Variants in AACS observed in about 807,000 individuals in gnomAD.
The protein encoded by AACS is acetoacetate-CoA ligase.
A neutral mutation model predicts 83.1 loss-of-function variants in AACS; 69 were observed. The ratio of observed to expected loss-of-function variants is 0.83; its 90% CI spans 0.68 to 1.01. The LOEUF (loss-of-function observed/expected upper bound fraction) is 1.01, where lower values mean the gene tolerates loss of function less well. AACS is among the 50% of genes least tolerant of loss of function. The pLI is 0.00. For synonymous variants in AACS, 333 were observed against 343.4 expected, an observed-to-expected ratio of 0.97 and a Z score of 0.33; for missense variants, 866 against 882.2, an observed-to-expected ratio of 0.98 and a Z score of 0.23.
At chr12:125,079,099 G>T (rs572893463) in intron 3 of AACS, among the ~76,000 whole-genome samples, 1 of 152,082 alleles carries the variant, frequency 6.6e-6, no homozygotes, top group African/African-American at 2.4e-5. Flanking sequence ...TCTCCTCCCC[G>T]CACCTCTGCG....
At chr12:125,123,642 A>G in intron 10 of AACS, 1 of 152,418 alleles carries the variant, frequency 6.6e-6, no homozygotes, top group Non-Finnish European at 1.5e-5. Flanking sequence ...TCGTGGCTTC[A>G]GACAGCGAAT....
intron 17 of AACS, among the ~76,000 whole-genome samples, chr12:125,137,758 G>A (rs974774813): frequency 1.3e-5 from 2 of 152,182 alleles, no homozygotes; most frequent in African/African-American, 2.4e-5. Flanking sequence ...GTGTGTGTGT[G>A]TATGTGAATG....
In AACS at chr12:125,094,602, C is replaced by T. The variant is rs971880888; in HGVS notation, c.570+3079C>T. ...TTTACTCGATGACACTGGGGGAACG[C>T]GTTTCTGGCCTCCGTCACTCCCCTG... On this transcript the variant is annotated intron_variant, in intron 5 of 17. Coordinates refer to ENST00000316519, the MANE Select transcript of AACS (RefSeq NM_023928.5). This position sits in a 1 kb window ranked among gnomAD's most constrained non-coding sequence, Gnocchi z 4.1. Among the ~76,000 whole-genome samples the T allele has an allele frequency of 5.3e-5, 8 of 152,152 alleles. No individual in the cohort carries two copies. Among genetic ancestry groups the T allele is most frequent in the African/African-American group, 1.9e-4 (8 of 41,420 alleles).
chr12:125,134,651 C>A, intron 15 of AACS, 143 bp from the exon 16 acceptor site: 3 of 818,936 alleles, frequency 3.7e-6, no homozygotes, highest in Non-Finnish European at 4.0e-6. Context: ...GGTGGTAGGG[C>A]AAGGAGCTGG....
intron 8 of AACS, among the ~76,000 whole-genome samples, chr12:125,107,976 A>T (rs1956870080): frequency 6.6e-6 from 1 of 152,098 alleles, no homozygotes; most frequent in South Asian, 2.1e-4. Context: ...ATAAAAATAA[A>T]ATAAAATATT....
At chr12:125,128,433 G>T (rs1184239044) in intron 13 of AACS, 159 bp downstream of exon 13, 1 of 580,396 alleles carries the variant, frequency 1.7e-6, no homozygotes, top group African/African-American at 1.9e-5. Flanking sequence ...CTCCAGCTTG[G>T]TTTAACACCC....
intron 2 of AACS, 54 bp from the exon 3 acceptor site, chr12:125,076,437 A>C: frequency 6.3e-7 from 1 of 1,589,882 alleles, no homozygotes; most frequent in Non-Finnish European, 8.6e-7. Flanking sequence ...TGTTTTGCTG[A>C]TCTGTAGCGT....
chr12:125,118,611 G>A (rs758068155), intron 9 of AACS, 30 bp from the exon 10 acceptor site: 103 of 1,612,518 alleles, frequency 6.4e-5, no homozygotes, highest in Non-Finnish European at 8.0e-5. Context: ...CCTAGCGCCC[G>A]CTGAAGCCGC....
intron 3 of AACS, among the ~76,000 whole-genome samples, chr12:125,085,651 C>T (rs10744193): frequency 0.92 from 139,743 of 152,300 alleles, 64,310 homozygotes; most frequent in East Asian, 1. Context: ...TGCTGGTGTA[C>T]TCTGTTTATG....
chr12:125,116,427 G>T (rs181529664), intron 9 of AACS, among the ~76,000 whole-genome samples: 1 of 152,092 alleles, frequency 6.6e-6, no homozygotes, highest in East Asian at 1.9e-4. Context: ...TCCTGGAGCA[G>T]CTTGACCCCA....
At chr12:125,117,988 G>GA (rs11398827) in intron 9 of AACS, 53,712 of 144,628 alleles carry the variant, frequency 0.37, 9,894 homozygotes, top group East Asian at 0.45. Context: ...TGTTTCAGGG[G>GA]AAAAAAAAAA....
rs1382339205 is a variant in AACS at position 125,107,263 on chromosome 12, G to A, written c.910G>A (p.Ala304Thr). 5.6e-6 allele frequency: 9 copies of A among 1,613,408 alleles called. No homozygotes were observed. The highest frequency in any genetic ancestry group is 1.7e-5 in the Admixed American group (1 of 60,012). The change falls in exon 8 of 18, where the codon GCT becomes ACT. Residue 304 changes from alanine (A) to threonine (T), a missense_variant. Transcript: ENST00000316519. ...CGCACCCAAGTGCATGGTGCATTCC[G>A]CTGGGGTAGGTCTCTGGGGAAGGCT... ...TGAPKCMVHSAGGTLIQHLKE... is the reference protein window; with the variant it reads ...TGAPKCMVHSTGGTLIQHLKE...
chr12:125,117,271 G>A (rs563159513), intron 9 of AACS, among the ~76,000 whole-genome samples: 87 of 152,244 alleles, frequency 5.7e-4, no homozygotes, highest in African/African-American at 2.0e-3. Context: ...AAAGTTAGCC[G>A]GGTGTGGTGG....
chr12:125,136,756 C>G lies in AACS; in HGVS notation c.1773C>G (p.Ser591=). 1 of 1,614,140 alleles carries G rather than the reference C, an allele frequency of 6.2e-7. No individual in the cohort carries two copies. Among genetic ancestry groups the G allele is most frequent in the Middle Eastern group, 1.6e-4 (1 of 6,062 alleles). Residue 591 remains serine (S), a synonymous_variant, in exon 17 of 18, where the codon TCC becomes TCG. Transcript: ENST00000316519. ...ERVILFLKMA[S]GHAFQPDLVK... ...TGATCCTCTTCCTGAAGATGGCCTC[C>G]GGGCACGCCTTCCAGCCTGACTTGG...
chr12:125,141,493 T>A (rs1957489323), intron 17 of AACS: 1 of 151,530 alleles, frequency 6.6e-6, no homozygotes, highest in Non-Finnish European at 1.5e-5. Flanking sequence ...AAGACCATCC[T>A]GGCTAACATG....
intron 17 of AACS, chr12:125,138,978 G>C (rs1403039744): frequency 6.6e-6 from 1 of 152,028 alleles, no homozygotes; most frequent in Non-Finnish European, 1.5e-5. Flanking sequence ...CCTTGCTGAG[G>C]CAGGAGAGCC....
At chr12:125,122,946 A>G (rs1380996541) in intron 10 of AACS, 1 of 152,216 alleles carries the variant, frequency 6.6e-6, no homozygotes, top group African/African-American at 2.4e-5. Flanking sequence ...CGTGCTTCCA[A>G]GAGCTGAATG....
intron 5 of AACS, among the ~76,000 whole-genome samples, chr12:125,093,358 C>T (rs1380236985): frequency 6.6e-6 from 1 of 152,232 alleles, no homozygotes; most frequent in Non-Finnish European, 1.5e-5. Context: ...TCTGACTCTG[C>T]ATGGCTGCAG....
intron 17 of AACS, chr12:125,138,479 T>C (rs574087106): frequency 1.3e-5 from 2 of 152,362 alleles, no homozygotes; most frequent in Non-Finnish European, 2.9e-5. Flanking sequence ...TGCTGTCTTA[T>C]CTGGAACATT....
Sources: allele counts gnomAD v4.1 joint callset (sites outside exome capture counted in the v4.1 genomes callset), GRCh38; gene constraint gnomAD v4.1.1; non-coding constraint Gnocchi (gnomAD v3.1); transcripts MANE v1.5; gene names NCBI Gene and HGNC (gene_info 2026-07-23, HGNC 2026-07-21).